RAPGEF2: variants seen among roughly 807,000 people sequenced by gnomAD.
RAPGEF2 encodes the protein PDZ domain containing guanine nucleotide exchange factor (GEF) 1.
RAPGEF2 carries 54 observed loss-of-function variants against 186.7 expected under a neutral mutation model. The observed-to-expected ratio is 0.29, with a 90% CI of 0.23 to 0.36. RAPGEF2 has a LOEUF of 0.36. Among genes scored for constraint, RAPGEF2 ranks in the 10% least tolerant of loss-of-function variants. The pLI is 1.00. For synonymous variants in RAPGEF2, 712 were observed against 705.9 expected (o/e 1.01, Z -0.14); for missense variants, 1,532 against 2,045.0 (o/e 0.75, Z 4.84).
chr4:159,104,050 T>C lies in RAPGEF2; in HGVS notation c.-113T>C. On this transcript the variant is annotated 5_prime_UTR_variant, in exon 1 of 30. Coordinates refer to ENST00000691494, the MANE Select transcript of RAPGEF2 (RefSeq NM_001394067.2). ...CCGCCGCCGCCGCGGTTTGGCTGAT[T>C]AGTCGCGGGCGGGCGGGCGGGCGCA... 6.6e-6 allele frequency: 3 copies of C among 457,600 alleles called. No individual in the cohort carries two copies. Among genetic ancestry groups the C allele is most frequent in the Non-Finnish European group, 5.9e-6 (2 of 336,208 alleles). The allele number at this position is 457,600 out of a possible 1,614,324, so 28.3% of individuals were successfully genotyped here. A position where few individuals can be genotyped will look rare whatever the true frequency, so the allele number is the denominator to read the frequency against.
chr4:159,297,619 A>C (rs974894484), intron 7 of RAPGEF2, among the ~76,000 whole-genome samples: 4 of 152,004 alleles, frequency 2.6e-5, no homozygotes, highest in Non-Finnish European at 5.9e-5. Context: ...ATTTATTTAA[A>C]AGGTAATATG....
At position 159,131,519 on chromosome 4, in the gene RAPGEF2, A is replaced by ATTGTTTTTTTT; in HGVS notation, c.69+27290_69+27291insGTTTTTTTTTT. ...TGATATCTTTGTCTGATTAATTGCT[A>ATTGTTTTTTTT]TTTTTTTTTTTTTTTTTTTTTTTTT... On this transcript the variant is annotated intron_variant, in intron 1 of 29. Transcript: ENST00000691494. Among the ~76,000 whole-genome samples the ATTGTTTTTTTT allele has an allele frequency of 2.1e-3, 79 of 37,180 alleles. 3 individuals are homozygous for ATTGTTTTTTTT. Among genetic ancestry groups the ATTGTTTTTTTT allele is most frequent in the African/African-American group, 2.6e-3 (22 of 8,304 alleles). The allele number at this position is 37,180 out of a possible 152,430, so 24.4% of individuals were successfully genotyped here.
chr4:159,307,057 A>T (rs768136059), intron 8 of RAPGEF2, among the ~76,000 whole-genome samples: 1 of 152,212 alleles, frequency 6.6e-6, no homozygotes, highest in Non-Finnish European at 1.5e-5. Flanking sequence ...TTGGCCTTCA[A>T]ATACATTATG....
intron 7 of RAPGEF2, among the ~76,000 whole-genome samples, chr4:159,253,980 C>A (rs1755816517): frequency 6.6e-6 from 1 of 152,136 alleles, no homozygotes; most frequent in Admixed American, 6.5e-5. Flanking sequence ...AAAAAAGGTG[C>A]CAGTTCACTT....
At chr4:159,197,844 C>A (rs1293119131) in intron 3 of RAPGEF2, among the ~76,000 whole-genome samples, 1 of 152,202 alleles carries the variant, frequency 6.6e-6, no homozygotes, top group Non-Finnish European at 1.5e-5. Context: ...GTCTCAAACA[C>A]CCTAATTTAT....
At chr4:159,288,471 T>C (rs1760782489) in intron 7 of RAPGEF2, among the ~76,000 whole-genome samples, 1 of 152,174 alleles carries the variant, frequency 6.6e-6, no homozygotes. Context: ...GTTGTCCAGA[T>C]GGCATACCTC....
intron 7 of RAPGEF2, among the ~76,000 whole-genome samples, chr4:159,273,170 A>G (rs112952441): frequency 6.6e-6 from 1 of 152,220 alleles, no homozygotes; most frequent in South Asian, 2.1e-4. Flanking sequence ...GATGAAATAA[A>G]CTTATCTCTT....
chr4:159,174,884 G>C (rs1339054310), intron 1 of RAPGEF2, among the ~76,000 whole-genome samples: 1 of 151,744 alleles, frequency 6.6e-6, no homozygotes, highest in East Asian at 1.9e-4. Flanking sequence ...AGCTTCTCCA[G>C]TAACTGGGAC....
In RAPGEF2 at chr4:159,104,527, G is replaced by GAGAGAGAGAGAGAGAGA. The variant is rs1560964822; in HGVS notation, c.69+296_69+297insAGAGAGAGAGAGAGAGA. 2.0e-4 allele frequency among the ~76,000 whole-genome samples: 18 copies of GAGAGAGAGAGAGAGAGA among 88,494 alleles called. 2 individuals carry two copies. The highest frequency in any genetic ancestry group is 7.9e-4 in the East Asian group (2 of 2,522). 58.1% of individuals were successfully genotyped at this position (88,494 alleles called of 152,430 possible). The stretch of plus-strand genomic sequence containing the variant: ...GAGAGAGAGAGAGAGAGAGAGAGAG[G>GAGAGAGAGAGAGAGAGA]GAGAGACAGAGAGAGAGAGAGAGAG... On this transcript the variant is annotated intron_variant, in intron 1 of 29. Coordinates refer to ENST00000691494, the MANE Select transcript of RAPGEF2 (RefSeq NM_001394067.2).
At chr4:159,255,896 A>G (rs903669480) in intron 7 of RAPGEF2, among the ~76,000 whole-genome samples, 11 of 83,872 alleles carry the variant, frequency 1.3e-4, no homozygotes, top group East Asian at 1.1e-3. Context: ...CTTGGAAAAA[A>G]TATTTACTTC....
intron 1 of RAPGEF2, among the ~76,000 whole-genome samples, chr4:159,162,764 A>G (rs146100674): frequency 0.011 from 1,608 of 152,308 alleles, 29 homozygotes; most frequent in African/African-American, 0.036. Context: ...AAACCATGCA[A>G]GTTGCAGAGG....
chr4:159,132,564 G>A (rs1249342351), intron 1 of RAPGEF2, among the ~76,000 whole-genome samples: 1 of 152,142 alleles, frequency 6.6e-6, no homozygotes, highest in Non-Finnish European at 1.5e-5. Flanking sequence ...GTTTTTAAAG[G>A]CGTGGCAAGT....
chr4:159,185,576 T>G (rs1579403292), intron 1 of RAPGEF2, among the ~76,000 whole-genome samples: 1 of 152,174 alleles, frequency 6.6e-6, no homozygotes, highest in East Asian at 1.9e-4. Context: ...GATCATATAT[T>G]CCACTGTGGG....
chr4:159,151,271 C>T (rs1200702577), intron 1 of RAPGEF2, among the ~76,000 whole-genome samples: 2 of 152,184 alleles, frequency 1.3e-5, no homozygotes, highest in Admixed American at 6.6e-5. Context: ...TAGTTGCTCA[C>T]AGCTGCAGTC....
At chr4:159,131,718 G>GTT (rs1386533206) in intron 1 of RAPGEF2, among the ~76,000 whole-genome samples, 1 of 151,530 alleles carries the variant, frequency 6.6e-6, no homozygotes, top group African/African-American at 2.4e-5. Flanking sequence ...ACTTGGGAAA[G>GTT]TTATCGGGTT....
chr4:159,208,358 G>GT (rs1456894041), intron 3 of RAPGEF2, among the ~76,000 whole-genome samples: 1 of 152,184 alleles, frequency 6.6e-6, no homozygotes, highest in Non-Finnish European at 1.5e-5. Flanking sequence ...CGTGCATATG[G>GT]TTCATGGGGA....
In RAPGEF2 at chr4:159,340,779, C is replaced by CCA. The variant is rs10562531; in HGVS notation, c.2535-751_2535-750dup. ...AAAACAAAAAATACCACCACCATCA[C>CCA]CACACACACACACACACACACACAC... is the stretch of plus-strand genomic sequence containing the variant. On this transcript the variant is annotated intron_variant, in intron 19 of 29. Transcript: ENST00000691494. 9.7e-3 allele frequency among the ~76,000 whole-genome samples: 1,032 copies of CCA among 106,132 alleles called. 50 individuals are homozygous for CCA. Among genetic ancestry groups the CCA allele is most frequent in the Admixed American group, 0.02 (221 of 11,066 alleles). 69.6% of individuals were successfully genotyped at this position (106,132 alleles called of 152,430 possible).
At chr4:159,153,622 T>C (rs1420363100) in intron 1 of RAPGEF2, among the ~76,000 whole-genome samples, 1 of 152,214 alleles carries the variant, frequency 6.6e-6, no homozygotes, top group Non-Finnish European at 1.5e-5. Flanking sequence ...AACTGACCTA[T>C]CACTGACTTT....
intron 7 of RAPGEF2, among the ~76,000 whole-genome samples, chr4:159,274,982 C>G (rs528319237): frequency 6.6e-6 from 1 of 152,092 alleles, no homozygotes; most frequent in East Asian, 1.9e-4. Context: ...ACTTGTCACT[C>G]TCTGCCATTT....
Sources: gnomAD v4.1 joint callset for allele counts (sites outside exome capture counted in the v4.1 genomes callset) on GRCh38, gnomAD v4.1.1 for gene constraint, MANE v1.5 for transcripts, NCBI Gene and HGNC (gene_info 2026-07-23, HGNC 2026-07-21) for gene names.